Variants in OR10J1 observed in about 807,000 individuals in gnomAD.
OR10J1 encodes the protein olfactory receptor 10J1.
For synonymous variants in OR10J1, 202 were observed against 143.8 expected, an observed-to-expected ratio of 1.40 and a Z score of -2.89; for missense variants, 474 against 376.6, an observed-to-expected ratio of 1.26 and a Z score of -2.14.
the OR10J1 span, among the ~76,000 whole-genome samples, chr1:159,428,141 A>G: frequency 6.6e-6 from 1 of 152,338 alleles, no homozygotes; most frequent in East Asian, 1.9e-4. Flanking sequence ...AAATGTATCT[A>G]TAAGTGTTAG....
the OR10J1 span, among the ~76,000 whole-genome samples, chr1:159,408,166 T>G: frequency 6.6e-6 from 1 of 151,984 alleles, no homozygotes; most frequent in Non-Finnish European, 1.5e-5. Context: ...AGCTCAGTGG[T>G]TACATATGGA....
chr1:159,430,348 A>C, the OR10J1 span, among the ~76,000 whole-genome samples: 1 of 152,256 alleles, frequency 6.6e-6, no homozygotes, highest in Non-Finnish European at 1.5e-5. Context: ...TCTTCATAGC[A>C]GTCTCTGAGA....
chr1:159,429,317 AATGAGTC>A, the OR10J1 span, among the ~76,000 whole-genome samples: 1 of 152,246 alleles, frequency 6.6e-6, no homozygotes, highest in Admixed American at 6.5e-5. Context: ...TCAGTAAATG[AATGAGTC>A]ATGGTTCCCA....
chr1:159,435,592 G>A (rs1028556443), upstream of OR10J1, among the ~76,000 whole-genome samples: 1 of 152,128 alleles, frequency 6.6e-6, no homozygotes, highest in African/African-American at 2.4e-5. Context: ...GCCAGCTCTA[G>A]GTGACAGAAA....
At chr1:159,430,784 G>A in the OR10J1 span, among the ~76,000 whole-genome samples, 2 of 151,968 alleles carry the variant, frequency 1.3e-5, no homozygotes, top group Admixed American at 6.6e-5. Context: ...TTTAGTATTT[G>A]CCTGCTATGT....
At chr1:159,436,424 G>T (rs1477585145), upstream of OR10J1, among the ~76,000 whole-genome samples, 1 of 151,958 alleles carries the variant, frequency 6.6e-6, no homozygotes, top group African/African-American at 2.4e-5. Flanking sequence ...TCCCTCAAAT[G>T]TCTCTCACAT....
chr1:159,404,720 TAAG>T, the OR10J1 span, among the ~76,000 whole-genome samples: 1 of 152,112 alleles, frequency 6.6e-6, no homozygotes, highest in Admixed American at 6.6e-5. Flanking sequence ...GTGACAATGA[TAAG>T]AGAACTAGAT....
the OR10J1 span, among the ~76,000 whole-genome samples, chr1:159,431,316 C>T: frequency 6.6e-6 from 1 of 152,164 alleles, no homozygotes; most frequent in Non-Finnish European, 1.5e-5. Flanking sequence ...TCTACCTTGA[C>T]TTACCAAATG....
At chr1:159,426,648 G>C in the OR10J1 span, among the ~76,000 whole-genome samples, 7 of 151,824 alleles carry the variant, frequency 4.6e-5, no homozygotes, top group South Asian at 8.3e-4. Flanking sequence ...TAAAAGAGTT[G>C]TAGCAATAAT....
chr1:159,440,274 A>T lies in OR10J1; in HGVS notation c.483A>T (p.Thr161=), dbSNP rs1343789741. 1 of 1,613,984 alleles carries T rather than the reference A, an allele frequency of 6.2e-7. No individual in the cohort carries two copies. Among genetic ancestry groups the T allele is most frequent in the East Asian group, 2.2e-5 (1 of 44,880 alleles). The part of the protein sequence containing the change: ...IGLIVAITQV[T]SVFRLPFCAR... ...TGATTGTAGCAATAACGCAAGTGAC[A>T]TCTGTATTCAGGTTACCCTTCTGTG... The change falls in exon 1 of 1, where the codon ACA becomes ACT. Residue 161 remains threonine, a synonymous_variant. Coordinates refer to ENST00000423932, the MANE Select transcript of OR10J1 (RefSeq NM_012351.3).
the OR10J1 span, among the ~76,000 whole-genome samples, chr1:159,413,010 A>T: frequency 1.3e-5 from 2 of 152,174 alleles, no homozygotes; most frequent in Non-Finnish European, 2.9e-5. Flanking sequence ...AAACAACCCC[A>T]TCAAAAAGTG....
At chr1:159,405,745 T>C in the OR10J1 span, 1 of 999,948 alleles carries the variant, frequency 1.0e-6, no homozygotes, top group Non-Finnish European at 1.5e-6. Context: ...CAGGGCAATA[T>C]GTAGGACAAG....
chr1:159,401,525 G>A, the OR10J1 span, among the ~76,000 whole-genome samples: 20 of 151,916 alleles, frequency 1.3e-4, 1 homozygote, highest in South Asian at 3.7e-3. Flanking sequence ...TACTTAGGTA[G>A]ATACAACCTA....
At chr1:159,417,667 C>T in the OR10J1 span, among the ~76,000 whole-genome samples, 1 of 152,098 alleles carries the variant, frequency 6.6e-6, no homozygotes, top group South Asian at 2.1e-4. Context: ...CAAGAAAAGA[C>T]TAACAGTAAA....
chr1:159,415,078 G>C, the OR10J1 span, among the ~76,000 whole-genome samples: 1 of 151,842 alleles, frequency 6.6e-6, no homozygotes, highest in African/African-American at 2.4e-5. Flanking sequence ...TAGTTTAATA[G>C]AGTTCAATTT....
At chr1:159,405,703 G>T in the OR10J1 span, 2 of 653,394 alleles carry the variant, frequency 3.1e-6, no homozygotes, top group Non-Finnish European at 5.5e-6. Flanking sequence ...CTTAAGGATG[G>T]TGTAGATGAT....
upstream of OR10J1, among the ~76,000 whole-genome samples, chr1:159,438,778 C>A (rs1655814937): frequency 6.6e-6 from 1 of 152,126 alleles, no homozygotes; most frequent in African/African-American, 2.4e-5. Context: ...TTTAAATACC[C>A]TAGAGAAGCT....
At chr1:159,414,401 G>C in the OR10J1 span, among the ~76,000 whole-genome samples, 1 of 152,156 alleles carries the variant, frequency 6.6e-6, no homozygotes, top group East Asian at 1.9e-4. Flanking sequence ...TTCCATCCAT[G>C]TTGCTTCAAA....
In OR10J1 at chr1:159,440,752, A is replaced by G; in HGVS notation, c.*31A>G. 5.0e-6 allele frequency: 8 copies of G among 1,588,702 alleles called. No individual in the cohort carries two copies. Among genetic ancestry groups the G allele is most frequent in the Non-Finnish European group, 6.9e-6 (8 of 1,164,790 alleles). ...TAGGAAGAGTTCTCCTGAGGCTGTCAACATCCACACTAGGCAGGAATATGA... is the reference window on the plus strand; with the variant it reads ...TAGGAAGAGTTCTCCTGAGGCTGTCGACATCCACACTAGGCAGGAATATGA... On this transcript the variant is annotated 3_prime_UTR_variant, in exon 1 of 1. Transcript: ENST00000423932.
Sources: gnomAD v4.1 joint callset for allele counts (sites outside exome capture counted in the v4.1 genomes callset) on GRCh38, gnomAD v4.1.1 for gene constraint, MANE v1.5 for transcripts, NCBI Gene and HGNC (gene_info 2026-07-23, HGNC 2026-07-21) for gene names.